DOCK10: variants seen among roughly 807,000 people sequenced by gnomAD.
The protein encoded by DOCK10 is dedicator of cytokinesis 10, also known as dedicator of cytokinesis protein 10.
DOCK10 carries 145 observed loss-of-function variants against 280.1 expected under a neutral mutation model. That is an observed-to-expected ratio of 0.52 (90% CI 0.45 to 0.59). The LOEUF is 0.59. Among genes scored for constraint, DOCK10 ranks in the 20% least tolerant of loss-of-function variants. The pLI is 0.00. For synonymous variants in DOCK10, 915 were observed against 942.2 expected, an observed-to-expected ratio of 0.97 and a Z score of 0.53; for missense variants, 2,368 against 2,651.7, an observed-to-expected ratio of 0.89 and a Z score of 2.35.
chr2:225,026,543 G>T (rs1210559541), intron 1 of DOCK10, among the ~76,000 whole-genome samples: 3 of 152,206 alleles, frequency 2.0e-5, no homozygotes, highest in Admixed American at 2.0e-4. Context: ...ATGTGGAGTG[G>T]CCAGGGGTGG....
chr2:224,847,720 A>G (rs1026019760), intron 19 of DOCK10, among the ~76,000 whole-genome samples: 11 of 152,140 alleles, frequency 7.2e-5, no homozygotes, highest in Non-Finnish European at 1.2e-4. Flanking sequence ...TTTGTGGGGG[A>G]AAAATTAAAG....
intron 1 of DOCK10, among the ~76,000 whole-genome samples, chr2:224,957,291 C>CA (rs1553622561): frequency 3.4e-5 from 5 of 146,100 alleles, no homozygotes; most frequent in East Asian, 2.0e-4. Flanking sequence ...TTCCGCCCCC[C>CA]CCCGGCTTTG....
rs182605338 is a variant in DOCK10 at position 224,873,309 on chromosome 2, G to A, written c.1257+687C>T. Among the ~76,000 whole-genome samples the A allele has an allele frequency of 2.6e-5, 4 of 152,288 alleles. No homozygotes were observed. The East Asian group carries it at 5.8e-4, about 22-fold the overall frequency. ...AAGCCATCTCTGGCCAGGTGTGGTA[G>A]CTCATGCCTGTAATCCCAGCACTTT... On this transcript the variant is annotated intron_variant, in intron 11 of 55. Transcript: ENST00000258390.
intron 29 of DOCK10, among the ~76,000 whole-genome samples, chr2:224,817,603 A>G (rs555128333): frequency 2.0e-5 from 3 of 152,322 alleles, no homozygotes; most frequent in African/African-American, 7.2e-5. Context: ...TATGTTAACT[A>G]TTTTACATTG....
chr2:224,790,246 TGTGA>T, intron 47 of DOCK10, among the ~76,000 whole-genome samples: 1 of 152,306 alleles, frequency 6.6e-6, no homozygotes, highest in East Asian at 1.9e-4. Context: ...TTGTGGGGAA[TGTGA>T]GTGACTAGGA....
At chr2:224,963,969 C>T (rs1351983195) in intron 1 of DOCK10, among the ~76,000 whole-genome samples, 1 of 148,698 alleles carries the variant, frequency 6.7e-6, no homozygotes, top group Non-Finnish European at 1.5e-5. Flanking sequence ...ACTACAATCA[C>T]ATGTTTTCAC....
chr2:224,791,005 G>C (rs181412323), intron 47 of DOCK10, among the ~76,000 whole-genome samples: 104 of 152,096 alleles, frequency 6.8e-4, no homozygotes, highest in African/African-American at 2.5e-3. Context: ...TAATTTTAAA[G>C]TTTACTCAAC....
At chr2:225,024,506 A>G (rs968031861) in intron 1 of DOCK10, among the ~76,000 whole-genome samples, 1 of 152,218 alleles carries the variant, frequency 6.6e-6, no homozygotes, top group Non-Finnish European at 1.5e-5. Flanking sequence ...GGAAGGGTAT[A>G]TGATATTCTT....
At chr2:224,863,917 C>T (rs1229324272) in intron 13 of DOCK10, among the ~76,000 whole-genome samples, 1 of 152,154 alleles carries the variant, frequency 6.6e-6, no homozygotes, top group Non-Finnish European at 1.5e-5. Flanking sequence ...AATTATTTAT[C>T]TCACTTTGTT....
At chr2:224,921,074 G>A (rs551252485) in intron 2 of DOCK10, among the ~76,000 whole-genome samples, 5 of 103,396 alleles carry the variant, frequency 4.8e-5, no homozygotes, top group Non-Finnish European at 9.2e-5. Flanking sequence ...GGCCAACATG[G>A]GAAAACACCG....
In DOCK10 at chr2:224,885,654, A is replaced by T; in HGVS notation, c.747+17T>A. 2.6e-6 allele frequency: 4 copies of T among 1,564,886 alleles called. No homozygotes were observed. The highest frequency in any genetic ancestry group is 3.4e-6 in the Non-Finnish European group (4 of 1,160,206). On this transcript the variant is annotated intron_variant, in intron 7 of 55. Transcript: ENST00000258390. ...AATAAAAAAAAATCCCAAGGAGGAA[A>T]AGGGATGTCTACTCACCTGCACCAC... is the stretch of plus-strand genomic sequence containing the variant.
At chr2:224,946,910 T>C in intron 1 of DOCK10, 1 of 1,545,754 alleles carries the variant, frequency 6.5e-7, no homozygotes, top group Non-Finnish European at 8.7e-7. Context: ...TCTTCCAAAA[T>C]TCACTGGGCT....
chr2:224,864,750 A>G, intron 12 of DOCK10, 75 bp from the exon 13 acceptor site: 1 of 1,575,880 alleles, frequency 6.3e-7, no homozygotes, highest in Non-Finnish European at 8.6e-7. Context: ...CATTTTTTTA[A>G]AAAAGGACAG....
chr2:224,957,365 A>G (rs939479896), intron 1 of DOCK10, among the ~76,000 whole-genome samples: 3 of 147,664 alleles, frequency 2.0e-5, no homozygotes, highest in African/African-American at 7.4e-5. Flanking sequence ...ATCATAGCTC[A>G]CTGCAACCTT....
chr2:224,767,227 G>A (rs1203818148), intron 55 of DOCK10, among the ~76,000 whole-genome samples: 1 of 152,058 alleles, frequency 6.6e-6, no homozygotes, highest in African/African-American at 2.4e-5. Flanking sequence ...GCAGTGGCAT[G>A]ATATCAGCTC....
In DOCK10 at chr2:224,808,027, G is replaced by A; in HGVS notation, c.3469C>T (p.Leu1157=). 1 of 1,612,806 alleles carries A rather than the reference G, an allele frequency of 6.2e-7. No homozygotes were observed. Residue 1157 remains leucine (L), a synonymous_variant, in exon 32 of 56, where the codon CTG becomes TTG. Transcript: ENST00000258390. ...AGGGCAAAGCCAACTTCTCGGAGCA[G>A]AATTCCGATTAAGAAGTGTTTGCGA... is the stretch of plus-strand genomic sequence containing the variant. ...FCRKHFLIGI[L]LREVGFALQE...
At chr2:224,991,340 T>A (rs1706122456) in intron 1 of DOCK10, among the ~76,000 whole-genome samples, 1 of 152,214 alleles carries the variant, frequency 6.6e-6, no homozygotes, top group African/African-American at 2.4e-5. Flanking sequence ...TCTCTGAGAC[T>A]TATTTTCTCC....
At chr2:224,907,689 A>G (rs1700739929) in intron 3 of DOCK10, among the ~76,000 whole-genome samples, 1 of 12,830 alleles carries the variant, frequency 7.8e-5, no homozygotes, top group Admixed American at 7.8e-4. Flanking sequence ...CTCCACCTCA[A>G]AAAAAAAAAA....
At chr2:224,930,864 T>G (rs147460538) in intron 2 of DOCK10, among the ~76,000 whole-genome samples, 1 of 152,364 alleles carries the variant, frequency 6.6e-6, no homozygotes, top group East Asian at 1.9e-4. Flanking sequence ...TAGATCACAA[T>G]TTAAAAACAT....
Sources: gnomAD v4.1 joint callset for allele counts (sites outside exome capture counted in the v4.1 genomes callset) on GRCh38, gnomAD v4.1.1 for gene constraint, MANE v1.5 for transcripts, NCBI Gene and HGNC (gene_info 2026-07-23, HGNC 2026-07-21) for gene names.